LYNX1: variants seen among roughly 807,000 people sequenced by gnomAD.
LYNX1 encodes Ly6/neurotoxin 1.
Under a neutral mutation model 8.3 loss-of-function variants are expected in LYNX1, and 8 were observed. The ratio of observed to expected loss-of-function variants is 0.97; its 90% CI spans 0.57 to 1.74. The LOEUF is 1.74. LYNX1 is among the 40% of genes most tolerant of loss of function. The pLI, the probability that LYNX1 is intolerant of heterozygous loss-of-function variation, is 0.00. For missense variants in LYNX1, 158 were observed against 159.7 expected (o/e 0.99, Z 0.06); for synonymous variants, 73 against 67.9 (o/e 1.08, Z -0.37).
intron 2 of LYNX1, 37 bp downstream of exon 2, chr8:142,775,869 T>C: frequency 1.2e-6 from 2 of 1,613,078 alleles, no homozygotes; most frequent in Non-Finnish European, 8.5e-7. Flanking sequence ...GCCCTCAAAG[T>C]GGGTCTGCCC....
chr8:142,774,869 A>C lies in LYNX1; in HGVS notation c.*298T>G, dbSNP rs1815335274. 7.7e-7 allele frequency: 1 copy of C among 1,300,044 alleles called. No individual in the cohort carries two copies. The highest frequency in any genetic ancestry group is 9.8e-7 in the Non-Finnish European group (1 of 1,020,620). The allele number at this position is 1,300,044 out of a possible 1,614,324, so 80.5% of individuals were successfully genotyped here. ...GCTTGGCCACAGCTCCCATCTGCTC[A>C]GTGCTCCCTGCCTGACTGGGCCCCT... On this transcript the variant is annotated 3_prime_UTR_variant, in exon 4 of 4. Transcript: ENST00000652477.
Position 142,776,040 on chromosome 8 carries a change from G to T in LYNX1, c.-83C>A. On this transcript the variant is annotated 5_prime_UTR_variant, in exon 2 of 4. Coordinates refer to ENST00000652477, the MANE Select transcript of LYNX1 (RefSeq NM_177477.4). ...TCCAACTCAGGGGTGGCGCACAGAG[G>T]ATCCAACTCAGGGTGGTGCGCAGAG... 2 of 1,526,190 alleles carry T rather than the reference G, an allele frequency of 1.3e-6. No homozygotes were observed. Among genetic ancestry groups the T allele is most frequent in the South Asian group, 1.1e-5 (1 of 87,488 alleles). 94.5% of individuals were successfully genotyped at this position (1,526,190 alleles called of 1,614,324 possible). A position where few individuals can be genotyped will look rare whatever the true frequency, so the allele number is the denominator to read the frequency against.
chr8:142,775,150 G>C lies in LYNX1; in HGVS notation c.*17C>G. The C allele has an allele frequency of 1.2e-6, 2 of 1,606,176 alleles. No homozygotes were observed. The highest frequency in any genetic ancestry group is 1.7e-6 in the Non-Finnish European group (2 of 1,176,994). On this transcript the variant is annotated 3_prime_UTR_variant, in exon 4 of 4. Transcript: ENST00000652477. ...GTCTCGAGAGCTTTGTTCTTGAGTG[G>C]GTCTGCCTCGGGGGCTTTAGAGGAG...
Position 142,772,837 on chromosome 8 carries a change from A to G in LYNX1, c.*2330T>C, listed in dbSNP as rs184688359. ...CTACGCCAGGTGCCAAGGGCAGGCC[A>G]GCCAGGCAGAACCATGTGTGGGGCT... On this transcript the variant is annotated 3_prime_UTR_variant, in exon 4 of 4. Coordinates refer to ENST00000652477, the MANE Select transcript of LYNX1 (RefSeq NM_177477.4). 3.0e-6 allele frequency: 3 copies of G among 985,860 alleles called. No individual in the cohort carries two copies. Among genetic ancestry groups the G allele is most frequent in the Admixed American group, 6.1e-5 (1 of 16,300 alleles). The allele number at this position is 985,860 out of a possible 1,614,324, so 61.1% of individuals were successfully genotyped here.
At position 142,774,612 on chromosome 8, in the gene LYNX1, A is replaced by T. The variant is rs749241069; in HGVS notation, c.*555T>A. On this transcript the variant is annotated 3_prime_UTR_variant, in exon 4 of 4. Transcript: ENST00000652477. ...GGGGTGGCTCCAACTCGGGCCTGGC[A>T]GACTTCCTAGCACAGGGGCCGGTGC... is the stretch of plus-strand genomic sequence containing the variant. 29 of 985,902 alleles carry T rather than the reference A, an allele frequency of 2.9e-5. No homozygotes were observed. Among genetic ancestry groups the T allele is most frequent in the Non-Finnish European group, 3.5e-5 (29 of 830,392 alleles). 61.1% of individuals were successfully genotyped at this position (985,902 alleles called of 1,614,324 possible). A position where few individuals can be genotyped will look rare whatever the true frequency, so the allele number is the denominator to read the frequency against.
intron 3 of LYNX1, 54 bp from the exon 4 acceptor site, chr8:142,775,417 GCTGGCCCCACC>G (rs1486832608): frequency 6.3e-7 from 1 of 1,597,618 alleles, no homozygotes; most frequent in Non-Finnish European, 8.5e-7. Context: ...AGGAGACCCA[GCTGGCCCCACC>G]CCAGCATCCA....
chr8:142,775,481 G>T, intron 3 of LYNX1, 112 bp downstream of exon 3: 1 of 1,560,634 alleles, frequency 6.4e-7, no homozygotes, highest in South Asian at 1.2e-5. Flanking sequence ...CTCCCAGACA[G>T]GATCCGGGAA....
Position 142,771,291 on chromosome 8 carries a change from A to T in LYNX1, c.*3876T>A. The T allele has an allele frequency of 1.0e-6, 1 of 985,544 alleles. No homozygotes were observed. Among genetic ancestry groups the T allele is most frequent in the Non-Finnish European group, 1.2e-6 (1 of 829,986 alleles). 61.0% of individuals were successfully genotyped at this position (985,544 alleles called of 1,614,324 possible). A position where few individuals can be genotyped will look rare whatever the true frequency, so the allele number is the denominator to read the frequency against. On this transcript the variant is annotated 3_prime_UTR_variant, in exon 4 of 4. Transcript: ENST00000652477. ...TAGGGCAAGCATTAGCAGCAGGGGCATGGCCCTGGGAAGCACCTGGACCCC... is the reference window on the plus strand; with the variant it reads ...TAGGGCAAGCATTAGCAGCAGGGGCTTGGCCCTGGGAAGCACCTGGACCCC...
rs587760348 is a variant in LYNX1 at position 142,773,167 on chromosome 8, C to T, written c.*2000G>A. 19 of 985,628 alleles carry T rather than the reference C, an allele frequency of 1.9e-5. No individual in the cohort carries two copies. The highest frequency in any genetic ancestry group is 1.8e-4 in the Admixed American group (3 of 16,296). 61.1% of individuals were successfully genotyped at this position (985,628 alleles called of 1,614,324 possible). ...TCCCAAGGACTTAGGAGCCCAAAGC[C>T]GCCTCCCTCCCGGTAAGCATCCCAA... On this transcript the variant is annotated 3_prime_UTR_variant, in exon 4 of 4. Coordinates refer to ENST00000652477, the MANE Select transcript of LYNX1 (RefSeq NM_177477.4).
rs746251818 is a variant in LYNX1, at chr8:142,771,514, G to T, written c.*3653C>A. On this transcript the variant is annotated 3_prime_UTR_variant, in exon 4 of 4. Coordinates refer to ENST00000652477, the MANE Select transcript of LYNX1 (RefSeq NM_177477.4). ...TCTCTCGGGCTGCCCAGGTGGCTCT[G>T]TCCACCCTTCTGTCTGGGAGGCTCC... is the stretch of plus-strand genomic sequence containing the variant. The T allele has an allele frequency of 2.0e-3, 1,997 of 985,400 alleles. 1 individual carries two copies. The highest frequency in any genetic ancestry group is 2.2e-3 in the Non-Finnish European group (1,860 of 829,934). 61.0% of individuals were successfully genotyped at this position (985,400 alleles called of 1,614,324 possible).
At position 142,775,703 on chromosome 8, in the gene LYNX1, G is replaced by C; in HGVS notation, c.53-9C>G. 6.3e-7 allele frequency: 1 copy of C among 1,585,156 alleles called. No individual in the cohort carries two copies. Among genetic ancestry groups the C allele is most frequent in the South Asian group, 1.1e-5 (1 of 87,050 alleles). ...GCAGTCCAAGGCCTGGGCTGGGGTTGGCAGATGGGCGGGAAGGGAACGGGG... is the reference window on the plus strand; with the variant it reads ...GCAGTCCAAGGCCTGGGCTGGGGTTCGCAGATGGGCGGGAAGGGAACGGGG... On this transcript the variant is annotated splice_polypyrimidine_tract_variant and intron_variant, in intron 2 of 3. Transcript: ENST00000652477.
upstream of LYNX1, chr8:142,777,799 C>T (rs1815488498): frequency 5.0e-6 from 2 of 398,138 alleles, no homozygotes; most frequent in Admixed American, 4.4e-5. Context: ...TTCACCGCGT[C>T]CCGCGGCAGC....
rs587595967 is a variant in LYNX1 at position 142,775,818 on chromosome 8, C to T, written c.52+88G>A. ...GCAGGGGGCTAGAAGGAGGGGTTGT[C>T]GCTGGGAATTCTAGCCTCCTTCCCT... On this transcript the variant is annotated intron_variant, in intron 2 of 3. Coordinates refer to ENST00000652477, the MANE Select transcript of LYNX1 (RefSeq NM_177477.4). 671 of 1,578,488 alleles carry T rather than the reference C, an allele frequency of 4.3e-4. 2 individuals are homozygous for T. The African/African-American group carries it at 7.7e-3, about 18-fold the overall frequency.
At position 142,772,786 on chromosome 8, in the gene LYNX1, C is replaced by T; in HGVS notation, c.*2381G>A. Reference sequence around the variant, plus strand: ...ACTCCCCATGAGTGGGCCTGCCCAGCATTAGCTGAGTGCCTTCTGTGTGCT... The same window carrying T: ...ACTCCCCATGAGTGGGCCTGCCCAGTATTAGCTGAGTGCCTTCTGTGTGCT... On this transcript the variant is annotated 3_prime_UTR_variant, in exon 4 of 4. Transcript: ENST00000652477. 11 of 985,650 alleles carry T rather than the reference C, an allele frequency of 1.1e-5. No individual in the cohort carries two copies. The South Asian group carries it at 4.7e-4, about 42-fold the overall frequency. The allele number at this position is 985,650 out of a possible 1,614,324, so 61.1% of individuals were successfully genotyped here.
Position 142,774,334 on chromosome 8 carries a change from C to T in LYNX1, c.*833G>A, listed in dbSNP as rs1232879808. ...CCTGCTGTGGTTGGGGACCAGGACT[C>T]GGGGGACCACCTGCTCTGCCCCTTT... is the stretch of plus-strand genomic sequence containing the variant. On this transcript the variant is annotated 3_prime_UTR_variant, in exon 4 of 4. Transcript: ENST00000652477. 6.4e-5 allele frequency: 63 copies of T among 985,938 alleles called. No homozygotes were observed. Among genetic ancestry groups the T allele is most frequent in the Admixed American group, 3.7e-4 (6 of 16,270 alleles). The allele number at this position is 985,938 out of a possible 1,614,324, so 61.1% of individuals were successfully genotyped here.
In LYNX1 at chr8:142,776,104, A is replaced by T; in HGVS notation, c.-147T>A. 1 of 898,804 alleles carries T rather than the reference A, an allele frequency of 1.1e-6. No individual in the cohort carries two copies. The highest frequency in any genetic ancestry group is 1.7e-6 in the Non-Finnish European group (1 of 575,458). The allele number at this position is 898,804 out of a possible 1,614,324, so 55.7% of individuals were successfully genotyped here. ...CCCTGCCTCCCGGAGCTCCTGGTCTACTGGGAGTGCTGCAACCCTGCACAG... is the reference window on the plus strand; with the variant it reads ...CCCTGCCTCCCGGAGCTCCTGGTCTTCTGGGAGTGCTGCAACCCTGCACAG... On this transcript the variant is annotated 5_prime_UTR_variant, in exon 2 of 4. Coordinates refer to ENST00000652477, the MANE Select transcript of LYNX1 (RefSeq NM_177477.4).
rs587723881 is a variant in LYNX1, at chr8:142,773,225, T to G, written c.*1942A>C. On this transcript the variant is annotated 3_prime_UTR_variant, in exon 4 of 4. Transcript: ENST00000652477. ...CTGGCTGCAGCTGAGAGGGCCTCAT[T>G]TGGGCACTGCCCTGAGGCTGGCACT... 20 of 985,506 alleles carry G rather than the reference T, an allele frequency of 2.0e-5. No individual in the cohort carries two copies. The South Asian group carries it at 8.9e-4, about 44-fold the overall frequency. 61.0% of individuals were successfully genotyped at this position (985,506 alleles called of 1,614,324 possible). A position where few individuals can be genotyped will look rare whatever the true frequency, so the allele number is the denominator to read the frequency against.
In LYNX1 at chr8:142,773,098, G is replaced by A. The variant is rs1443254387; in HGVS notation, c.*2069C>T. 16 of 985,388 alleles carry A rather than the reference G, an allele frequency of 1.6e-5. No individual in the cohort carries two copies. Among genetic ancestry groups the A allele is most frequent in the Middle Eastern group, 5.2e-4 (1 of 1,936 alleles). The allele number at this position is 985,388 out of a possible 1,614,324, so 61.0% of individuals were successfully genotyped here. On this transcript the variant is annotated 3_prime_UTR_variant, in exon 4 of 4. Transcript: ENST00000652477. ...CCTGGCTGAGGAAGCCACCCAACCC[G>A]ACAATGGGCTTGCGCAAGCCGCGCA... is the stretch of plus-strand genomic sequence containing the variant.
At position 142,771,429 on chromosome 8, in the gene LYNX1, A is replaced by C; in HGVS notation, c.*3738T>G. 1 of 985,326 alleles carries C rather than the reference A, an allele frequency of 1.0e-6. No homozygotes were observed. Among genetic ancestry groups the C allele is most frequent in the Non-Finnish European group, 1.2e-6 (1 of 829,918 alleles). 61.0% of individuals were successfully genotyped at this position (985,326 alleles called of 1,614,324 possible). A position where few individuals can be genotyped will look rare whatever the true frequency, so the allele number is the denominator to read the frequency against. ...ACCACCCCTTACTCCTCAAGATGCA[A>C]ATGAAGCTCAGGGCTGGGCGGAAGC... On this transcript the variant is annotated 3_prime_UTR_variant, in exon 4 of 4. Transcript: ENST00000652477.
Sources: gnomAD v4.1 joint callset for allele counts on GRCh38, gnomAD v4.1.1 for gene constraint, MANE v1.5 for transcripts, NCBI Gene and HGNC (gene_info 2026-07-23, HGNC 2026-07-21) for gene names.